The following KCNH1 variants were observed in gnomAD, a reference collection of about 807,000 sequenced individuals.
The protein encoded by KCNH1 is voltage-gated delayed rectifier potassium channel KCNH1.
A neutral mutation model predicts 69.2 loss-of-function variants in KCNH1; 27 were observed. That is an observed-to-expected ratio of 0.39 (90% CI 0.29 to 0.54). KCNH1 has a LOEUF of 0.54. Ranked by LOEUF, KCNH1 falls within the 20% of genes least tolerant of loss-of-function variation. The probability of loss-of-function intolerance (pLI) is 0.68; values close to 1 mark genes in which losing one functional copy is unlikely to be tolerated. For synonymous variants in KCNH1, 456 were observed against 487.7 expected (o/e 0.93, Z 0.86); for missense variants, 798 against 1,261.6 (o/e 0.63, Z 5.57).
intron 7 of KCNH1, among the ~76,000 whole-genome samples, chr1:210,848,034 T>C (rs1028926031): frequency 6.6e-6 from 1 of 152,164 alleles, no homozygotes; most frequent in Admixed American, 6.5e-5. Context: ...GTGTTGAAAG[T>C]TGATAATGTC....
At chr1:210,830,382 G>A (rs72755509) in intron 7 of KCNH1, among the ~76,000 whole-genome samples, 24,551 of 152,182 alleles carry the variant, frequency 0.16, 2,646 homozygotes, top group Non-Finnish European at 0.24. Context: ...AAATAAAAGC[G>A]TCTGTGTTTG....
chr1:210,831,356 C>A (rs1202689635), intron 7 of KCNH1, among the ~76,000 whole-genome samples: 3 of 152,132 alleles, frequency 2.0e-5, no homozygotes, highest in Non-Finnish European at 4.4e-5. Context: ...GAAATAAATT[C>A]TTTTACTAGG....
At chr1:210,947,340 C>T (rs1357032015) in intron 6 of KCNH1, among the ~76,000 whole-genome samples, 3 of 151,794 alleles carry the variant, frequency 2.0e-5, no homozygotes, top group Non-Finnish European at 2.9e-5. Context: ...GAGGCCGAGG[C>T]GGGCGGATCA....
In KCNH1 at chr1:211,115,469, C is replaced by T. The variant is rs566813182; in HGVS notation, c.80-8092G>A. ...AGACCCACCCTTAATCTGGTGGGCA[C>T]CATCTAATCAGCTTCCAGCAAATAT... On this transcript the variant is annotated intron_variant, in intron 1 of 10. Coordinates refer to ENST00000271751, the MANE Select transcript of KCNH1 (RefSeq NM_172362.3). 2.8e-4 allele frequency among the ~76,000 whole-genome samples: 43 copies of T among 151,956 alleles called. No individual in the cohort carries two copies. The East Asian group carries it at 8.2e-3, about 29-fold the overall frequency.
At chr1:211,116,148 C>T (rs78229795) in intron 1 of KCNH1, among the ~76,000 whole-genome samples, 10,541 of 151,896 alleles carry the variant, frequency 0.069, 635 homozygotes, top group African/African-American at 0.16. Context: ...TAAAAACAAA[C>T]GAATCAATGA....
intron 6 of KCNH1, among the ~76,000 whole-genome samples, chr1:210,998,484 CA>C (rs1445661178): frequency 6.6e-6 from 1 of 152,102 alleles, no homozygotes; most frequent in African/African-American, 2.4e-5. Context: ...TATATGCATC[CA>C]ACACAGGAGC....
chr1:211,023,283 G>A (rs1400068850), intron 5 of KCNH1, among the ~76,000 whole-genome samples: 6 of 151,620 alleles, frequency 4.0e-5, no homozygotes, highest in African/African-American at 7.3e-5. Context: ...ATAGAACTAC[G>A]ATATGATTCA....
intron 10 of KCNH1, among the ~76,000 whole-genome samples, chr1:210,764,838 C>T (rs959937596): frequency 6.6e-6 from 1 of 152,164 alleles, no homozygotes; most frequent in Non-Finnish European, 1.5e-5. Flanking sequence ...TACCATTCGA[C>T]CTAGAAATCC....
At chr1:210,973,472 T>C (rs574393022) in intron 6 of KCNH1, among the ~76,000 whole-genome samples, 2 of 152,264 alleles carry the variant, frequency 1.3e-5, no homozygotes, top group East Asian at 3.9e-4. Flanking sequence ...TCCATATAGC[T>C]ATCCTTTCGT....
intron 6 of KCNH1, among the ~76,000 whole-genome samples, chr1:211,007,318 G>C (rs1446103165): frequency 1.3e-5 from 2 of 152,172 alleles, no homozygotes; most frequent in Non-Finnish European, 2.9e-5. Flanking sequence ...TCTTCTATCA[G>C]AGCCAGATCA....
chr1:210,836,934 C>T (rs1363035079), intron 7 of KCNH1, among the ~76,000 whole-genome samples: 1 of 152,164 alleles, frequency 6.6e-6, no homozygotes, highest in East Asian at 1.9e-4. Context: ...ATGTGTCTCC[C>T]TGCTTACTTC....
intron 7 of KCNH1, among the ~76,000 whole-genome samples, chr1:210,885,378 A>G (rs114911326): frequency 1.3e-5 from 2 of 152,204 alleles, no homozygotes; most frequent in Non-Finnish European, 2.9e-5. Flanking sequence ...CACTCTGGCC[A>G]AAATACTATG....
In KCNH1 at chr1:210,857,790, C is replaced by T. The variant is rs528539798; in HGVS notation, c.1463-53624G>A. ...GACAGATGTTTAAGATCAATAAAGGCTTATTTTTCAACTTGCAGTTAGAAA... is the reference window on the plus strand; with the variant it reads ...GACAGATGTTTAAGATCAATAAAGGTTTATTTTTCAACTTGCAGTTAGAAA... On this transcript the variant is annotated intron_variant, in intron 7 of 10. Coordinates refer to ENST00000271751, the MANE Select transcript of KCNH1 (RefSeq NM_172362.3). 3.8e-3 allele frequency among the ~76,000 whole-genome samples: 573 copies of T among 152,232 alleles called. 6 individuals carry two copies. The highest frequency in any genetic ancestry group is 0.02 in the Middle Eastern group (6 of 294).
At chr1:210,719,083 G>A (rs1387512288) in intron 10 of KCNH1, among the ~76,000 whole-genome samples, 1 of 152,122 alleles carries the variant, frequency 6.6e-6, no homozygotes, top group Non-Finnish European at 1.5e-5. Context: ...GCTACGTGTG[G>A]CCGTTTAAAT....
intron 6 of KCNH1, among the ~76,000 whole-genome samples, chr1:210,997,429 G>C (rs1211527069): frequency 6.6e-6 from 1 of 152,118 alleles, no homozygotes; most frequent in African/African-American, 2.4e-5. Flanking sequence ...AAGATGAAAT[G>C]AATGAAACGA....
intron 10 of KCNH1, among the ~76,000 whole-genome samples, chr1:210,740,703 AATTTTTT>A (rs1251553649): frequency 1.5e-5 from 2 of 135,526 alleles, no homozygotes; most frequent in African/African-American, 6.4e-5. Flanking sequence ...TTTATGATTA[AATTTTTT>A]TTTTTTTTTT....
At chr1:210,984,978 T>C (rs1474972019) in intron 6 of KCNH1, among the ~76,000 whole-genome samples, 1 of 152,234 alleles carries the variant, frequency 6.6e-6, no homozygotes, top group Non-Finnish European at 1.5e-5. Context: ...TATTGGTCTA[T>C]TCAGAGATTC....
At chr1:211,025,024 A>G (rs1346168123) in intron 5 of KCNH1, among the ~76,000 whole-genome samples, 3 of 152,224 alleles carry the variant, frequency 2.0e-5, no homozygotes, top group Non-Finnish European at 4.4e-5. Flanking sequence ...TGAGTAACTC[A>G]GGCTTTTAAG....
At chr1:211,000,992 T>C (rs374239174) in intron 6 of KCNH1, among the ~76,000 whole-genome samples, 1,757 of 149,916 alleles carry the variant, frequency 0.012, 35 homozygotes, top group Admixed American at 0.04. Flanking sequence ...CCCTTCCTTA[T>C]ACCTTATATG....
Sources: allele counts gnomAD v4.1 joint callset (sites outside exome capture counted in the v4.1 genomes callset), GRCh38; gene constraint gnomAD v4.1.1; transcripts MANE v1.5; gene names NCBI Gene and HGNC (gene_info 2026-07-23, HGNC 2026-07-21).